The following JRK variants were observed in gnomAD, a reference collection of about 807,000 sequenced individuals.
JRK encodes the protein jerky protein homolog.
For missense variants in JRK, 720 were observed against 509.2 expected (o/e 1.41, Z -3.98); for synonymous variants, 303 against 218.1 (o/e 1.39, Z -3.43).
chr8:142,666,311 T>G lies in JRK; in HGVS notation c.-253A>C. ...TAGGCCTTGGCTCCTGGCAGTGCAG[T>G]CAGCTGCCAATTCTCTCTGTGGAGG... On this transcript the variant is annotated 5_prime_UTR_variant, in exon 2 of 2. Transcript: ENST00000612905. 1 of 599,992 alleles carries G rather than the reference T, an allele frequency of 1.7e-6. No homozygotes were observed. Among genetic ancestry groups the G allele is most frequent in the Non-Finnish European group, 3.0e-6 (1 of 331,244 alleles). 37.2% of individuals were successfully genotyped at this position (599,992 alleles called of 1,614,324 possible).
At chr8:142,646,231 G>C in the JRK span, among the ~76,000 whole-genome samples, 1 of 152,138 alleles carries the variant, frequency 6.6e-6, no homozygotes. Context: ...CAGTGAAAAA[G>C]ATTTGACCTA....
In JRK at chr8:142,666,033, T is replaced by C; in HGVS notation, c.26A>G (p.Lys9Arg). 4 of 1,582,258 alleles carry C rather than the reference T, an allele frequency of 2.5e-6. No individual in the cohort carries two copies. Among genetic ancestry groups the C allele is most frequent in the Non-Finnish European group, 3.5e-6 (4 of 1,152,300 alleles). The change falls in exon 2 of 2, where the codon AAG (lysine) becomes AGG (arginine). Residue 9 changes from lysine (K) to arginine (R), a missense_variant. Coordinates refer to ENST00000612905, the MANE Select transcript of JRK (RefSeq NM_003724.4). MASKPAAG[K>R]SRGEKRKRVV... ...CCTCTTCCGCTTCTCCCCTCTGCTC[T>C]TCCCGGCAGCCGGCTTGGAGGCCAT... is the stretch of plus-strand genomic sequence containing the variant.
rs1587524011 is a variant in JRK, at chr8:142,664,429, G to A, written c.1630C>T (p.Leu544Phe). 2.5e-6 allele frequency: 4 copies of A among 1,608,658 alleles called. No homozygotes were observed. The highest frequency in any genetic ancestry group is 3.4e-6 in the Non-Finnish European group (4 of 1,176,586). The part of the protein sequence containing the change: ...ALGAVVKVEA[L>F]QEGPGGCGAT... ...CCACAGCCACCAGGGCCCTCCTGGAGGGCTTCAACCTTGACCACAGCCCCG... is the reference window on the plus strand; with the variant it reads ...CCACAGCCACCAGGGCCCTCCTGGAAGGCTTCAACCTTGACCACAGCCCCG... Residue 544 changes from leucine (L) to phenylalanine (F), a missense_variant, in exon 2 of 2, where the codon CTC (leucine) becomes TTC (phenylalanine). Coordinates refer to ENST00000612905, the MANE Select transcript of JRK (RefSeq NM_003724.4).
intron 1 of JRK, among the ~76,000 whole-genome samples, chr8:142,667,229 C>T (rs1301322071): frequency 1.3e-5 from 2 of 152,164 alleles, no homozygotes; most frequent in Non-Finnish European, 2.9e-5. Context: ...GATGCGTCTA[C>T]AAGGAGCCGC....
In JRK at chr8:142,664,129, C is replaced by T. The variant is rs140089461; in HGVS notation, c.*223G>A. 2,182 of 1,324,918 alleles carry T rather than the reference C, an allele frequency of 1.6e-3. 27 individuals are homozygous for T. The African/African-American group carries it at 0.027, about 16-fold the overall frequency. 82.1% of individuals were successfully genotyped at this position (1,324,918 alleles called of 1,614,324 possible). ...CCCTTCCAAAACATTTCCTCACTTT[C>T]GGATGACACGGCAAGTGATAAAATA... On this transcript the variant is annotated 3_prime_UTR_variant, in exon 2 of 2. Coordinates refer to ENST00000612905, the MANE Select transcript of JRK (RefSeq NM_003724.4).
chr8:142,660,230 G>A lies in JRK; in HGVS notation c.*4122C>T. The A allele has an allele frequency of 1.0e-6, 1 of 985,582 alleles. No homozygotes were observed. 61.1% of individuals were successfully genotyped at this position (985,582 alleles called of 1,614,324 possible). ...TCAAGGAGAGTCCTCGAACCCAGAG[G>A]GGGCTGGGTAAGCAGCAGAAGTGCA... On this transcript the variant is annotated 3_prime_UTR_variant, in exon 2 of 2. Coordinates refer to ENST00000612905, the MANE Select transcript of JRK (RefSeq NM_003724.4).
the JRK span, among the ~76,000 whole-genome samples, chr8:142,647,643 A>G: frequency 5.3e-5 from 8 of 152,124 alleles, no homozygotes; most frequent in Non-Finnish European, 1.2e-4. Flanking sequence ...AGCCATGTGG[A>G]GCTGTAAGTC....
At chr8:142,645,688 A>T in the JRK span, among the ~76,000 whole-genome samples, 9 of 103,870 alleles carry the variant, frequency 8.7e-5, no homozygotes, top group African/African-American at 1.1e-4. Context: ...TCAGAAAAAA[A>T]AAATATATAT....
intron 1 of JRK, among the ~76,000 whole-genome samples, chr8:142,667,763 T>C (rs587711370): frequency 2.4e-4 from 36 of 152,314 alleles, no homozygotes; most frequent in African/African-American, 8.2e-4. Context: ...ATCTTTCTGT[T>C]GGAGTTTTGA....
In JRK at chr8:142,659,444, G is replaced by C. The variant is rs1378021355; in HGVS notation, c.*4908C>G. On this transcript the variant is annotated 3_prime_UTR_variant, in exon 2 of 2. Transcript: ENST00000612905. ...ATAGAGGGCCTTTGAGCACCTCGTA[G>C]CTTGCTTCCCAGCCAGCCTGGGTGT... is the stretch of plus-strand genomic sequence containing the variant. 4 of 986,128 alleles carry C rather than the reference G, an allele frequency of 4.1e-6. No individual in the cohort carries two copies. Among genetic ancestry groups the C allele is most frequent in the Non-Finnish European group, 3.6e-6 (3 of 830,472 alleles). 61.1% of individuals were successfully genotyped at this position (986,128 alleles called of 1,614,324 possible). A position where few individuals can be genotyped will look rare whatever the true frequency, so the allele number is the denominator to read the frequency against.
At chr8:142,649,102 AG>A in the JRK span, among the ~76,000 whole-genome samples, 4 of 152,240 alleles carry the variant, frequency 2.6e-5, no homozygotes, top group African/African-American at 9.6e-5. Flanking sequence ...CATTGTATCT[AG>A]GAAGTAACTA....
intron 1 of JRK, among the ~76,000 whole-genome samples, chr8:142,668,436 T>C (rs896244372): frequency 2.1e-4 from 32 of 152,152 alleles, no homozygotes; most frequent in African/African-American, 7.2e-4. Flanking sequence ...GTGACGTGTG[T>C]GCGGTCTGGC....
chr8:142,658,839 C>A lies in JRK; in HGVS notation c.*5513G>T. 6.2e-7 allele frequency: 1 copy of A among 1,610,384 alleles called. No individual in the cohort carries two copies. The highest frequency in any genetic ancestry group is 1.1e-5 in the South Asian group (1 of 90,156). On this transcript the variant is annotated 3_prime_UTR_variant, in exon 2 of 2. Coordinates refer to ENST00000612905, the MANE Select transcript of JRK (RefSeq NM_003724.4). The stretch of plus-strand genomic sequence containing the variant: ...GGTCTTACCCAGCACTGCCATGTGG[C>A]AGAAGTTCTCCAACATTATGTCTCT...
chr8:142,669,385 G>T (rs987772636), intron 1 of JRK, among the ~76,000 whole-genome samples: 1 of 152,032 alleles, frequency 6.6e-6, no homozygotes, highest in Non-Finnish European at 1.5e-5. Context: ...GCCGAGTTCC[G>T]CTAGGAGCCC....
Position 142,664,319 on chromosome 8 carries a change from A to G in JRK, c.*33T>C, listed in dbSNP as rs782441809. On this transcript the variant is annotated 3_prime_UTR_variant, in exon 2 of 2. Coordinates refer to ENST00000612905, the MANE Select transcript of JRK (RefSeq NM_003724.4). ...GCCACTCCAGGGTGTGGGGAGAAAC[A>G]GGGCCAGTGGCCAGGGCAGGGCAGA... 1.2e-5 allele frequency: 19 copies of G among 1,521,478 alleles called. 1 individual carries two copies. In the South Asian group the frequency reaches 2.4e-4, roughly 19 times the overall value. The allele number at this position is 1,521,478 out of a possible 1,614,324, so 94.2% of individuals were successfully genotyped here. A position where few individuals can be genotyped will look rare whatever the true frequency, so the allele number is the denominator to read the frequency against.
At chr8:142,644,898 C>T in the JRK span, among the ~76,000 whole-genome samples, 2 of 152,200 alleles carry the variant, frequency 1.3e-5, no homozygotes, top group Non-Finnish European at 2.9e-5. Flanking sequence ...TTAGTTAATG[C>T]TTCCAGAAAA....
chr8:142,664,901 C>T lies in JRK; in HGVS notation c.1158G>A (p.Trp386Ter), dbSNP rs782111957. 8.9e-7 allele frequency: 1 copy of T among 1,118,696 alleles called. No homozygotes were observed. Among genetic ancestry groups the T allele is most frequent in the Admixed American group, 1.7e-5 (1 of 58,464 alleles). 69.3% of individuals were successfully genotyped at this position (1,118,696 alleles called of 1,614,324 possible). The stretch of plus-strand genomic sequence containing the variant: ...AGCCTTCGGCAAACGCAACCGACGG[C>T]CACAGCTTCCTCCAGGCCCGCCTGA... ...HVFRRAWRKL[W>*]PSVAFAEGSS... Residue 386 changes from tryptophan (W) to a stop codon, truncating the protein, a stop_gained, in exon 2 of 2, where the codon TGG (tryptophan) becomes TGA (stop). Coordinates refer to ENST00000612905, the MANE Select transcript of JRK (RefSeq NM_003724.4). LOFTEE classifies it low-confidence loss of function (END_TRUNC).
the JRK span, among the ~76,000 whole-genome samples, chr8:142,644,480 A>G: frequency 6.6e-6 from 1 of 152,182 alleles, no homozygotes; most frequent in East Asian, 1.9e-4. Context: ...ATTTGACAAC[A>G]CTTCCTATAT....
At position 142,664,451 on chromosome 8, in the gene JRK, C is replaced by A. The variant is rs1847019021; in HGVS notation, c.1608G>T (p.Gly536=). 1 of 1,611,836 alleles carries A rather than the reference C, an allele frequency of 6.2e-7. No individual in the cohort carries two copies. The highest frequency in any genetic ancestry group is 8.5e-7 in the Non-Finnish European group (1 of 1,179,182). Residue 536 remains glycine (G), a synonymous_variant, in exon 2 of 2, where the codon GGG becomes GGT. Transcript: ENST00000612905. ...QQVRRRRGAL[G]AVVKVEALQE... ...GGAGGGCTTCAACCTTGACCACAGC[C>A]CCGAGGGCACCACGCCGCCTCCTCA...
Sources: allele counts gnomAD v4.1 joint callset (sites outside exome capture counted in the v4.1 genomes callset), GRCh38; gene constraint gnomAD v4.1.1; transcripts MANE v1.5; gene names NCBI Gene and HGNC (gene_info 2026-07-23, HGNC 2026-07-21).